Variants in AGMO observed in about 807,000 individuals in gnomAD.
AGMO encodes alkylglycerol monooxygenase.
A neutral mutation model predicts 60.2 loss-of-function variants in AGMO; 75 were observed. That is an observed-to-expected ratio of 1.25 (90% confidence interval 1.03 to 1.51). AGMO has a LOEUF of 1.51. Among genes scored for constraint, AGMO ranks in the 40% most tolerant of loss-of-function variants. The pLI, the probability that AGMO is intolerant of heterozygous loss-of-function variation, is 0.00. For missense variants in AGMO, 763 were observed against 525.5 expected (o/e 1.45, Z -4.42); for synonymous variants, 261 against 177.1 (o/e 1.47, Z -3.76).
chr7:15,409,189 A>G (rs1268716353), intron 5 of AGMO, among the ~76,000 whole-genome samples: 2 of 151,942 alleles, frequency 1.3e-5, no homozygotes, highest in Non-Finnish European at 2.9e-5. Context: ...CTCTGAAAAT[A>G]GGTTAGATTT....
intron 3 of AGMO, among the ~76,000 whole-genome samples, chr7:15,479,768 G>T (rs987033740): frequency 2.0e-5 from 3 of 152,146 alleles, no homozygotes; most frequent in Non-Finnish European, 4.4e-5. Context: ...GAGGACATGG[G>T]CTCTGCTCTT....
intron 12 of AGMO, among the ~76,000 whole-genome samples, chr7:15,239,500 G>GT (rs1339747054): frequency 6.6e-6 from 1 of 152,054 alleles, no homozygotes; most frequent in Non-Finnish European, 1.5e-5. Context: ...TGAAGGTTAG[G>GT]TAATTCTGTC....
At chr7:15,252,735 C>G (rs1316799447) in intron 12 of AGMO, among the ~76,000 whole-genome samples, 1 of 152,130 alleles carries the variant, frequency 6.6e-6, no homozygotes, top group East Asian at 1.9e-4. Context: ...TCTTGAAATG[C>G]CTGTTAGATT....
chr7:15,388,120 A>G (rs1013154358), intron 8 of AGMO, among the ~76,000 whole-genome samples: 5 of 152,130 alleles, frequency 3.3e-5, no homozygotes, highest in African/African-American at 1.2e-4. Context: ...TGGCTTTATC[A>G]GAATTTGTGA....
the AGMO span, among the ~76,000 whole-genome samples, chr7:15,188,728 A>G: frequency 6.6e-6 from 1 of 151,328 alleles, no homozygotes; most frequent in South Asian, 2.1e-4. Context: ...AAGCAGATAA[A>G]TATAACGTCT....
chr7:15,265,824 C>A (rs1176010364), intron 12 of AGMO, among the ~76,000 whole-genome samples: 1 of 152,052 alleles, frequency 6.6e-6, no homozygotes, highest in Non-Finnish European at 1.5e-5. Flanking sequence ...GAAAAGATAA[C>A]TGGACATCCA....
At chr7:15,527,248 C>T (rs919167988) in intron 3 of AGMO, among the ~76,000 whole-genome samples, 2 of 151,918 alleles carry the variant, frequency 1.3e-5, no homozygotes, top group Admixed American at 6.6e-5. Flanking sequence ...AGTGGATATC[C>T]AGCAAAGAAG....
At chr7:15,242,628 T>G (rs1782625277) in intron 12 of AGMO, among the ~76,000 whole-genome samples, 1 of 151,978 alleles carries the variant, frequency 6.6e-6, no homozygotes, top group Admixed American at 6.6e-5. Flanking sequence ...AGAAACTACA[T>G]CAGATAAAAG....
chr7:15,410,358 G>C (rs946861068), intron 5 of AGMO, among the ~76,000 whole-genome samples: 7 of 151,592 alleles, frequency 4.6e-5, no homozygotes, highest in African/African-American at 1.7e-4. Flanking sequence ...GTAATAATCT[G>C]TACATTAATC....
chr7:15,484,915 C>T (rs544378311), intron 3 of AGMO, among the ~76,000 whole-genome samples: 1 of 151,730 alleles, frequency 6.6e-6, no homozygotes, highest in South Asian at 2.1e-4. Context: ...TAGACATCAA[C>T]GAAATATGTA....
chr7:15,360,066 T>C (rs1483761450), intron 12 of AGMO, among the ~76,000 whole-genome samples: 1 of 152,202 alleles, frequency 6.6e-6, no homozygotes, highest in Non-Finnish European at 1.5e-5. Flanking sequence ...CACAACATAC[T>C]GCACGCACAT....
At chr7:15,374,264 G>A (rs1783351648) in intron 10 of AGMO, among the ~76,000 whole-genome samples, 1 of 151,940 alleles carries the variant, frequency 6.6e-6, no homozygotes. Flanking sequence ...TCCCTAGGTG[G>A]CTACCACTAA....
Position 15,366,247 on chromosome 7 carries a change from T to C in AGMO, c.1075-25A>G, listed in dbSNP as rs373051569. ...CCTGTCAAACAAACACGGAGATCAATGGAGCCGTTAGAAGAATTGTTAAAA... is the reference window on the plus strand; with the variant it reads ...CCTGTCAAACAAACACGGAGATCAACGGAGCCGTTAGAAGAATTGTTAAAA... On this transcript the variant is annotated intron_variant, in intron 10 of 12. Transcript: ENST00000342526. The C allele has an allele frequency of 2.1e-5, 33 of 1,560,554 alleles. No individual in the cohort carries two copies. In the East Asian group the frequency reaches 2.4e-4, roughly 11 times the overall value.
chr7:15,281,945 G>A (rs1202664015), intron 12 of AGMO, among the ~76,000 whole-genome samples: 1 of 151,982 alleles, frequency 6.6e-6, no homozygotes, highest in Non-Finnish European at 1.5e-5. Context: ...CTACAAAAAG[G>A]CCCTCTATAG....
intron 3 of AGMO, among the ~76,000 whole-genome samples, chr7:15,515,848 T>A (rs561389607): frequency 7.2e-5 from 11 of 152,224 alleles, no homozygotes; most frequent in Non-Finnish European, 1.5e-4. Context: ...TTCAAGCTGT[T>A]GATGAAGATG....
intron 3 of AGMO, among the ~76,000 whole-genome samples, chr7:15,523,462 G>C (rs1784052269): frequency 6.6e-6 from 1 of 152,136 alleles, no homozygotes; most frequent in African/African-American, 2.4e-5. Context: ...ACTGGATAAA[G>C]AAAATGTGGC....
In AGMO at chr7:15,418,658, A is replaced by G. The variant is rs746452635; in HGVS notation, c.514-5T>C. ...GGCCAGGGGAGAGTAGAAAATCTGA[A>G]AGAAAAAATTAAAAAAAAATTAATT... On this transcript the variant is annotated splice_polypyrimidine_tract_variant and splice_region_variant and intron_variant, in intron 4 of 12. Transcript: ENST00000342526. 6.5e-7 allele frequency: 1 copy of G among 1,532,240 alleles called. No homozygotes were observed. The allele number at this position is 1,532,240 out of a possible 1,614,324, so 94.9% of individuals were successfully genotyped here.
At chr7:15,372,852 T>G (rs1783273979) in intron 10 of AGMO, among the ~76,000 whole-genome samples, 1 of 152,214 alleles carries the variant, frequency 6.6e-6, no homozygotes, top group South Asian at 2.1e-4. Flanking sequence ...TATTCTAAAT[T>G]AGTTCCATTT....
At chr7:15,531,585 C>CTA (rs1234575500) in intron 3 of AGMO, among the ~76,000 whole-genome samples, 3 of 111,812 alleles carry the variant, frequency 2.7e-5, no homozygotes, top group African/African-American at 1.1e-4. Flanking sequence ...TATATATATT[C>CTA]TATATATATT....
Sources: allele counts gnomAD v4.1 joint callset (sites outside exome capture counted in the v4.1 genomes callset), GRCh38; gene constraint gnomAD v4.1.1; transcripts MANE v1.5; gene names NCBI Gene and HGNC (gene_info 2026-07-23, HGNC 2026-07-21).